ALDH18A1: variants seen among roughly 807,000 people sequenced by gnomAD.
ALDH18A1 encodes delta-1-pyrroline-5-carboxylate synthase.
ALDH18A1 carries 44 observed loss-of-function variants against 88.8 expected under a neutral mutation model. The observed-to-expected ratio is 0.50, with a 90% confidence interval of 0.39 to 0.64. ALDH18A1 has a LOEUF of 0.64. ALDH18A1 is among the 30% of genes least tolerant of loss of function. The pLI, the probability that ALDH18A1 is intolerant of heterozygous loss-of-function variation, is 0.00. For missense variants in ALDH18A1, 782 were observed against 1,009.5 expected (o/e 0.77, Z 3.05); for synonymous variants, 331 against 372.1 (o/e 0.89, Z 1.27).
chr10:95,653,716 T>A (rs1472195175), intron 1 of ALDH18A1, among the ~76,000 whole-genome samples: 1 of 152,222 alleles, frequency 6.6e-6, no homozygotes, highest in Non-Finnish European at 1.5e-5. Context: ...TCAGGTGCAA[T>A]GCTTATGTGT....
At position 95,633,057 on chromosome 10, in the gene ALDH18A1, G is replaced by A. The variant is rs1307198256; in HGVS notation, c.718-8C>T. ...ATCTTTAACACTAATAACCTAGAAT[G>A]CAGATTAAAAAGTCATAAGTGAGTG... is the stretch of plus-strand genomic sequence containing the variant. On this transcript the variant is annotated splice_region_variant and splice_polypyrimidine_tract_variant and intron_variant, in intron 6 of 17. Coordinates refer to ENST00000371224, the MANE Select transcript of ALDH18A1 (RefSeq NM_002860.4). 2 of 1,611,614 alleles carry A rather than the reference G, an allele frequency of 1.2e-6. No homozygotes were observed. Among genetic ancestry groups the A allele is most frequent in the South Asian group, 2.2e-5 (2 of 91,030 alleles).
intron 3 of ALDH18A1, among the ~76,000 whole-genome samples, chr10:95,637,645 CA>C (rs2097883357): frequency 6.6e-6 from 1 of 152,078 alleles, no homozygotes; most frequent in Non-Finnish European, 1.5e-5. Context: ...AGGTGGCAGA[CA>C]AAAATCAGAC....
At chr10:95,609,769 ATTTTTTT>A (rs55659918) in intron 17 of ALDH18A1, among the ~76,000 whole-genome samples, 1 of 114,266 alleles carries the variant, frequency 8.8e-6, no homozygotes, top group African/African-American at 3.4e-5. Flanking sequence ...GTCTGTCTCT[ATTTTTTT>A]TTTTTTTTTG....
At chr10:95,655,514 AAG>A (rs1393962790) in intron 1 of ALDH18A1, among the ~76,000 whole-genome samples, 2 of 151,246 alleles carry the variant, frequency 1.3e-5, no homozygotes, top group Non-Finnish European at 2.9e-5. Flanking sequence ...TCTATTAACC[AAG>A]AGTCATTGAA....
At chr10:95,633,464 C>CT in intron 6 of ALDH18A1, 27 bp downstream of exon 6, 3 of 1,613,954 alleles carry the variant, frequency 1.9e-6, no homozygotes, top group Non-Finnish European at 2.5e-6. Context: ...CTCCAGCATG[C>CT]TAAACCCTTA....
chr10:95,651,697 T>G (rs1428056579), intron 2 of ALDH18A1, among the ~76,000 whole-genome samples: 1 of 152,084 alleles, frequency 6.6e-6, no homozygotes, highest in African/African-American at 2.4e-5. Flanking sequence ...TCACTCACTA[T>G]CTCAAGGACA....
chr10:95,643,173 C>T lies in ALDH18A1; in HGVS notation c.122G>A (p.Arg41His), dbSNP rs192921117. The T allele has an allele frequency of 7.1e-5, 115 of 1,614,100 alleles. No individual in the cohort carries two copies. Among genetic ancestry groups the T allele is most frequent in the Middle Eastern group, 1.7e-4 (1 of 6,060 alleles). Reference sequence around the variant, plus strand: ...GATAAACGGGATGTTGCTCCAAGAACGAACATGTCTGATGACTGAAGGCTG... The same window carrying T: ...GATAAACGGGATGTTGCTCCAAGAATGAACATGTCTGATGACTGAAGGCTG... ...CIQPSVIRHV[R>H]SWSNIPFITV... Residue 41 changes from arginine to histidine, a missense_variant, in exon 3 of 18, where the codon CGT becomes CAT. Coordinates refer to ENST00000371224, the MANE Select transcript of ALDH18A1 (RefSeq NM_002860.4).
At chr10:95,621,886 T>A (rs1299647741) in intron 11 of ALDH18A1, among the ~76,000 whole-genome samples, 1 of 152,160 alleles carries the variant, frequency 6.6e-6, no homozygotes, top group Non-Finnish European at 1.5e-5. Context: ...ATTCAGACAA[T>A]GGTTTATAAT....
At chr10:95,641,572 G>A (rs896944417) in intron 3 of ALDH18A1, among the ~76,000 whole-genome samples, 3 of 151,588 alleles carry the variant, frequency 2.0e-5, no homozygotes, top group Non-Finnish European at 2.9e-5. Flanking sequence ...GTAGTGCAGC[G>A]ACTTTATCAC....
intron 7 of ALDH18A1, among the ~76,000 whole-genome samples, chr10:95,629,370 T>C (rs2097864842): frequency 6.6e-6 from 1 of 152,178 alleles, no homozygotes; most frequent in Non-Finnish European, 1.5e-5. Context: ...CCTCTATTAT[T>C]CCAAATCTTT....
intron 2 of ALDH18A1, among the ~76,000 whole-genome samples, chr10:95,647,194 A>T (rs1283783223): frequency 6.6e-6 from 1 of 152,234 alleles, no homozygotes; most frequent in Non-Finnish European, 1.5e-5. Flanking sequence ...TCTAATGAGG[A>T]TAAGTATCAA....
At chr10:95,636,200 A>T (rs1007915894) in intron 5 of ALDH18A1, among the ~76,000 whole-genome samples, 6 of 152,246 alleles carry the variant, frequency 3.9e-5, no homozygotes, top group African/African-American at 1.4e-4. Flanking sequence ...CAATATATGT[A>T]TATATAACAA....
intron 13 of ALDH18A1, among the ~76,000 whole-genome samples, chr10:95,615,719 T>C (rs191718987): frequency 6.6e-6 from 1 of 151,820 alleles, no homozygotes; most frequent in African/African-American, 2.4e-5. Flanking sequence ...TTTGTAGACA[T>C]CCTCCCAGTA....
intron 2 of ALDH18A1, among the ~76,000 whole-genome samples, chr10:95,649,477 C>T (rs1253849633): frequency 6.6e-6 from 1 of 151,176 alleles, no homozygotes; most frequent in Non-Finnish European, 1.5e-5. Context: ...GCCTCAGCCT[C>T]CCAAGCAGCT....
chr10:95,637,310 C>A lies in ALDH18A1; in HGVS notation c.430G>T (p.Gly144Trp), dbSNP rs778520160. 1 of 1,614,176 alleles carries A rather than the reference C, an allele frequency of 6.2e-7. No individual in the cohort carries two copies. The highest frequency in any genetic ancestry group is 1.7e-5 in the Admixed American group (1 of 60,014). The change falls in exon 4 of 18, where the codon GGG (glycine) becomes TGG (tryptophan). Residue 144 changes from glycine to tryptophan, a missense_variant. Physicochemically the swap from Gly to Trp is radical, Grantham distance 184. Transcript: ENST00000371224. ...SQSVRQALHS[G>W]QNQLKEMAIP... ...ACCATTTCTTTCAGCTGGTTCTGCC[C>A]CGAGTGGAGGGCCTGCCGCACGCTC...
Position 95,616,564 on chromosome 10 carries a change from C to T in ALDH18A1, c.1518G>A (p.Gly506=), listed in dbSNP as rs2139552077. The T allele has an allele frequency of 6.2e-7, 1 of 1,603,506 alleles. No homozygotes were observed. Among genetic ancestry groups the T allele is most frequent in the Non-Finnish European group, 8.5e-7 (1 of 1,175,080 alleles). Residue 506 remains glycine (G), a synonymous_variant, in exon 13 of 18, where the codon GGG becomes GGA. Coordinates refer to ENST00000371224, the MANE Select transcript of ALDH18A1 (RefSeq NM_002860.4). ...TCCGGTTGCTGTGTGCAGCCTCCTT[C>T]CCTCCTTTGAGTAACAAGCCATTGC... The part of the protein sequence containing the change: ...ASGNGLLLKG[G]KEAAHSNRIL...
At position 95,606,480 on chromosome 10, in the gene ALDH18A1, T is replaced by G; in HGVS notation, c.*282A>C. The G allele has an allele frequency of 7.8e-7, 1 of 1,275,200 alleles. No individual in the cohort carries two copies. Among genetic ancestry groups the G allele is most frequent in the Non-Finnish European group, 1.0e-6 (1 of 1,002,590 alleles). The allele number at this position is 1,275,200 out of a possible 1,614,324, so 79.0% of individuals were successfully genotyped here. A position where few individuals can be genotyped will look rare whatever the true frequency, so the allele number is the denominator to read the frequency against. On this transcript the variant is annotated 3_prime_UTR_variant, in exon 18 of 18. Transcript: ENST00000371224. ...CCATGGGTTTTCCTCGCCTTTTTTA[T>G]GGGGAAAATGCACCTTTCAATCCTA... is the stretch of plus-strand genomic sequence containing the variant.
intron 13 of ALDH18A1, 38 bp from the exon 14 acceptor site, chr10:95,614,199 T>C: frequency 6.2e-7 from 1 of 1,601,888 alleles, no homozygotes; most frequent in Non-Finnish European, 8.5e-7. Context: ...AGATGACATC[T>C]GACCACACAA....
chr10:95,611,977 AAAAAAAGAAT>A (rs1385479632), intron 15 of ALDH18A1, among the ~76,000 whole-genome samples: 1 of 151,702 alleles, frequency 6.6e-6, no homozygotes, highest in East Asian at 1.9e-4. Flanking sequence ...CTCAAAGAAA[AAAAAAAGAAT>A]AAAAAAGAAT....
Sources: gnomAD v4.1 joint callset for allele counts (sites outside exome capture counted in the v4.1 genomes callset) on GRCh38, gnomAD v4.1.1 for gene constraint, MANE v1.5 for transcripts, NCBI Gene and HGNC (gene_info 2026-07-23, HGNC 2026-07-21) for gene names.